Variants in TRAPPC3L observed in about 807,000 individuals in gnomAD.
TRAPPC3L encodes the protein trafficking protein particle complex subunit 3L, also known as trafficking protein particle complex subunit 3-like protein.
TRAPPC3L carries 23 observed loss-of-function variants against 23.7 expected under a neutral mutation model. That is an observed-to-expected ratio of 0.97 (90% CI 0.70 to 1.37). The LOEUF (loss-of-function observed/expected upper bound fraction) is 1.37. Ranked by LOEUF, TRAPPC3L falls within the 40% of genes most tolerant of loss-of-function variation. The pLI, the probability that TRAPPC3L is intolerant of heterozygous loss-of-function variation, is 0.00. For missense variants in TRAPPC3L, 212 were observed against 216.8 expected, an observed-to-expected ratio of 0.98 and a Z score of 0.14; for synonymous variants, 81 against 77.9, an observed-to-expected ratio of 1.04 and a Z score of -0.21.
intron 3 of TRAPPC3L, among the ~76,000 whole-genome samples, chr6:116,534,353 T>C (rs62424366): frequency 8.5e-5 from 13 of 152,194 alleles, no homozygotes; most frequent in Non-Finnish European, 1.5e-4. Context: ...ATAGCCCTCA[T>C]GCTGTCTCCA....
intron 3 of TRAPPC3L, among the ~76,000 whole-genome samples, chr6:116,531,567 G>A (rs963762869): frequency 2.0e-5 from 3 of 152,080 alleles, no homozygotes; most frequent in African/African-American, 7.2e-5. Context: ...TGATTATCGT[G>A]TCCCAGAATA....
At chr6:116,524,059 G>A (rs1772397377) in intron 3 of TRAPPC3L, 1 of 152,150 alleles carries the variant, frequency 6.6e-6, no homozygotes, top group Admixed American at 6.5e-5. Context: ...GCTATGTGTG[G>A]TAATGGTGTG....
At chr6:116,522,664 C>T (rs550216479) in intron 3 of TRAPPC3L, 1 of 152,208 alleles carries the variant, frequency 6.6e-6, no homozygotes, top group South Asian at 2.1e-4. Flanking sequence ...GGAGGAGTAA[C>T]ACATTAAACT....
At chr6:116,509,097 A>AGG (rs1772060251) in intron 3 of TRAPPC3L, among the ~76,000 whole-genome samples, 3 of 150,216 alleles carry the variant, frequency 2.0e-5, no homozygotes, top group Non-Finnish European at 3.0e-5. Context: ...GTTGTAAAAA[A>AGG]AAAAAAAAAA....
chr6:116,528,986 A>C (rs1240385425), intron 3 of TRAPPC3L: 1 of 152,230 alleles, frequency 6.6e-6, no homozygotes, highest in Admixed American at 6.5e-5. Context: ...TAATCTTAGA[A>C]AAATGTTGAG....
At chr6:116,522,378 G>C (rs1238498831) in intron 3 of TRAPPC3L, 1 of 152,188 alleles carries the variant, frequency 6.6e-6, no homozygotes, top group Non-Finnish European at 1.5e-5. Flanking sequence ...TGAAGCGACA[G>C]AACCTGAACA....
Position 116,500,370 on chromosome 6 carries a change from C to T in TRAPPC3L, c.426+111G>A, listed in dbSNP as rs182332791. 958 of 969,424 alleles carry T rather than the reference C, an allele frequency of 9.9e-4. 5 individuals carry two copies. The highest frequency in any genetic ancestry group is 2.3e-4 in the Non-Finnish European group (152 of 674,192). 60.1% of individuals were successfully genotyped at this position (969,424 alleles called of 1,614,324 possible). On this transcript the variant is annotated intron_variant, in intron 4 of 4. Coordinates refer to ENST00000368602, the MANE Select transcript of TRAPPC3L (RefSeq NM_001139444.3). ...ATTTTGGGGGTAATTTGTAACACAC[C>T]ATTAGATAACCAATATACCCAGCAA...
At chr6:116,525,141 G>A (rs1772422343) in intron 3 of TRAPPC3L, among the ~76,000 whole-genome samples, 1 of 152,168 alleles carries the variant, frequency 6.6e-6, no homozygotes, top group African/African-American at 2.4e-5. Flanking sequence ...TTCAAAGTAT[G>A]TTCCCTCATT....
chr6:116,509,663 A>T (rs949616764), intron 3 of TRAPPC3L, among the ~76,000 whole-genome samples: 1 of 152,206 alleles, frequency 6.6e-6, no homozygotes, highest in Non-Finnish European at 1.5e-5. Context: ...CTCACCATAT[A>T]CAAAAATAAA....
chr6:116,512,070 A>G, intron 3 of TRAPPC3L: 1 of 1,613,884 alleles, frequency 6.2e-7, no homozygotes, highest in East Asian at 2.2e-5. Context: ...GGAACTTTCT[A>G]TGAATGTGCC....
At chr6:116,510,205 G>C (rs1324332431) in intron 3 of TRAPPC3L, among the ~76,000 whole-genome samples, 1 of 152,170 alleles carries the variant, frequency 6.6e-6, no homozygotes, top group African/African-American at 2.4e-5. Flanking sequence ...TGTGAAAACA[G>C]AATGCTTGTA....
At chr6:116,541,662 A>G (rs1773472634) in intron 2 of TRAPPC3L, among the ~76,000 whole-genome samples, 1 of 152,230 alleles carries the variant, frequency 6.6e-6, no homozygotes. Flanking sequence ...AGAAGCTCTC[A>G]CTGCAAAGAC....
chr6:116,501,212 AG>A (rs1159039154), intron 3 of TRAPPC3L, among the ~76,000 whole-genome samples: 4 of 152,222 alleles, frequency 2.6e-5, no homozygotes, highest in Non-Finnish European at 5.9e-5. Flanking sequence ...CTGGCTCAGC[AG>A]GTCCCACGCC....
chr6:116,501,492 G>A (rs982001276), intron 3 of TRAPPC3L, among the ~76,000 whole-genome samples: 1 of 152,230 alleles, frequency 6.6e-6, no homozygotes, highest in African/African-American at 2.4e-5. Context: ...GTTCCTGCCT[G>A]ACAGCTCTGA....
intron 3 of TRAPPC3L, among the ~76,000 whole-genome samples, chr6:116,525,701 T>C (rs1772429650): frequency 6.6e-6 from 1 of 152,232 alleles, no homozygotes; most frequent in Admixed American, 6.5e-5. Flanking sequence ...TCACATTCAC[T>C]GGGCCATTTC....
Position 116,502,623 on chromosome 6 carries a change from G to A in TRAPPC3L, c.241-1957C>T, listed in dbSNP as rs541099947. The stretch of plus-strand genomic sequence containing the variant: ...GGAAAAAATGTTAAGAGCAGCCAGA[G>A]AGAAAGGTTGGGTTACCCATAAAGG... On this transcript the variant is annotated intron_variant, in intron 3 of 4. Transcript: ENST00000368602. Among the ~76,000 whole-genome samples, 5 of 152,276 alleles carry A rather than the reference G, an allele frequency of 3.3e-5. No individual in the cohort carries two copies. In the South Asian group the frequency reaches 1.0e-3, roughly 32 times the overall value.
intron 4 of TRAPPC3L, among the ~76,000 whole-genome samples, chr6:116,497,889 T>A (rs965073554): frequency 3.5e-4 from 53 of 152,200 alleles, no homozygotes; most frequent in African/African-American, 1.3e-3. Context: ...GTTTATTGAA[T>A]CTTACCTAAC....
At position 116,508,680 on chromosome 6, in the gene TRAPPC3L, A is replaced by T. The variant is rs570567424; in HGVS notation, c.241-8014T>A. Reference sequence around the variant, plus strand: ...CCCATGTAAAATGCACATATCCCAAATCCTAAAATTTGATCTCTAACACTA... The same window carrying T: ...CCCATGTAAAATGCACATATCCCAATTCCTAAAATTTGATCTCTAACACTA... On this transcript the variant is annotated intron_variant, in intron 3 of 4. Transcript: ENST00000368602. Among the ~76,000 whole-genome samples the T allele has an allele frequency of 2.6e-5, 4 of 152,296 alleles. No individual in the cohort carries two copies. The South Asian group carries it at 8.3e-4, about 32-fold the overall frequency.
intron 3 of TRAPPC3L, chr6:116,517,731 G>C (rs1182831743): frequency 6.6e-6 from 1 of 152,172 alleles, no homozygotes; most frequent in African/African-American, 2.4e-5. Flanking sequence ...CTGATAGTTA[G>C]GGGCTTCTGA....
Sources: allele counts gnomAD v4.1 joint callset (sites outside exome capture counted in the v4.1 genomes callset), GRCh38; gene constraint gnomAD v4.1.1; transcripts MANE v1.5; gene names NCBI Gene and HGNC (gene_info 2026-07-23, HGNC 2026-07-21).